The following SNED1 variants were observed in gnomAD, a reference collection of about 807,000 sequenced individuals.
SNED1 encodes the protein sushi, nidogen and EGF like domains 1.
In SNED1, 81 loss-of-function variants were observed where a neutral mutation model predicts 166.7. The observed-to-expected ratio is 0.49, with a 90% confidence interval of 0.41 to 0.58. The LOEUF is 0.58. SNED1 is among the 20% of genes least tolerant of loss of function. The pLI, the probability that SNED1 is intolerant of heterozygous loss-of-function variation, is 0.00. For missense variants in SNED1, 1,604 were observed against 2,000.2 expected, an observed-to-expected ratio of 0.80 and a Z score of 3.78; for synonymous variants, 762 against 822.0, an observed-to-expected ratio of 0.93 and a Z score of 1.25.
intron 8 of SNED1, among the ~76,000 whole-genome samples, chr2:241,047,864 T>G (rs1017559381): frequency 6.6e-6 from 1 of 151,976 alleles, no homozygotes; most frequent in African/African-American, 2.4e-5. Context: ...CCGGGTGGCT[T>G]CTCTGGTGCT....
In SNED1 at chr2:241,052,372, C is replaced by T. The variant is rs1287463560; in HGVS notation, c.1987C>T (p.Arg663Trp). 7 of 1,578,358 alleles carry T rather than the reference C, an allele frequency of 4.4e-6. No homozygotes were observed. The highest frequency in any genetic ancestry group is 1.7e-4 in the Middle Eastern group (1 of 5,868). Reference sequence around the variant, plus strand: ...TCTGGCAGCCCCCTCCCCCTGCTTCCGGAGCCCGTGTGTGAATGGGGGCAC... The same window carrying T: ...TCTGGCAGCCCCCTCCCCCTGCTTCTGGAGCCCGTGTGTGAATGGGGGCAC... The part of the protein sequence containing the change: ...HCEIAPSPCF[R>W]SPCVNGGTCE... Residue 663 changes from arginine (R) to tryptophan (W), a missense_variant, in exon 15 of 32, where the codon CGG becomes TGG. Physicochemically the swap from Arg to Trp is moderately radical, Grantham distance 101. Coordinates refer to ENST00000310397, the MANE Select transcript of SNED1 (RefSeq NM_001080437.3).
intron 8 of SNED1, among the ~76,000 whole-genome samples, 175 bp from the exon 9 acceptor site, chr2:241,048,140 C>T (rs1364582591): frequency 1.3e-5 from 2 of 152,246 alleles, no homozygotes; most frequent in African/African-American, 4.8e-5. Flanking sequence ...AGATGCTGAG[C>T]TCCATGGGGT....
chr2:241,005,870 G>A (rs1419602217), intron 1 of SNED1, among the ~76,000 whole-genome samples: 1 of 151,680 alleles, frequency 6.6e-6, no homozygotes, highest in African/African-American at 2.4e-5. Context: ...GTGTATTGTT[G>A]TAGGGCTTTA....
At chr2:241,080,302 CTTGT>C (rs2125296968) in intron 27 of SNED1, among the ~76,000 whole-genome samples, 1 of 152,072 alleles carries the variant, frequency 6.6e-6, no homozygotes, top group African/African-American at 2.4e-5. Context: ...TAAATAAAAT[CTTGT>C]TTGTCTTTTG....
intron 2 of SNED1, among the ~76,000 whole-genome samples, chr2:241,031,822 A>G (rs565175085): frequency 3.9e-5 from 6 of 152,328 alleles, no homozygotes; most frequent in South Asian, 4.1e-4. Flanking sequence ...TGACTTTTAC[A>G]TAAGTGGAAT....
At chr2:241,033,534 G>A (rs1271222227) in intron 2 of SNED1, 7 of 582,502 alleles carry the variant, frequency 1.2e-5, no homozygotes, top group African/African-American at 9.5e-5. Context: ...GACGGCCTCT[G>A]CTGAGTGGCA....
intron 1 of SNED1, among the ~76,000 whole-genome samples, chr2:241,022,656 C>T (rs1424828694): frequency 6.6e-6 from 1 of 152,160 alleles, no homozygotes; most frequent in African/African-American, 2.4e-5. Context: ...GGAGAACATT[C>T]TCCACTGGGA....
intron 4 of SNED1, 77 bp from the exon 5 acceptor site, chr2:241,036,713 G>A: frequency 6.3e-7 from 1 of 1,575,914 alleles, no homozygotes; most frequent in South Asian, 1.1e-5. Flanking sequence ...GGAGGGAAGG[G>A]AGATGCGGAT....
In SNED1 at chr2:241,064,094, A is replaced by G; in HGVS notation, c.2568A>G (p.Pro856=). 6.4e-7 allele frequency: 1 copy of G among 1,567,808 alleles called. No homozygotes were observed. Among genetic ancestry groups the G allele is most frequent in the Admixed American group, 1.9e-5 (1 of 53,724 alleles). ...SGGGAYLCVC[P]ESFFGYHCET... is the part of the protein sequence containing the mutation. ...GCGGGGCCTACCTGTGCGTCTGCCC[A>G]GAGAGCTTCTTCGGCTACCACTGCG... The change falls in exon 19 of 32, where the codon CCA becomes CCG. Residue 856 remains proline, a synonymous_variant. Coordinates refer to ENST00000310397, the MANE Select transcript of SNED1 (RefSeq NM_001080437.3). The surrounding 1 kb of genome is among the most constrained non-coding windows in gnomAD (Gnocchi z 7.0).
intron 1 of SNED1, among the ~76,000 whole-genome samples, chr2:241,023,972 A>AC (rs1174612599): frequency 1.2e-4 from 15 of 120,104 alleles, no homozygotes; most frequent in Non-Finnish European, 2.1e-4. Context: ...TGCAGCCTCC[A>AC]CCCCCCGGGT....
chr2:241,059,586 A>G (rs2062168435), intron 16 of SNED1, among the ~76,000 whole-genome samples: 1 of 152,238 alleles, frequency 6.6e-6, no homozygotes, highest in South Asian at 2.1e-4. Flanking sequence ...TGATACAGTC[A>G]TGACCAAGTG....
At chr2:241,084,972 TC>T (rs1461241296) in intron 29 of SNED1, among the ~76,000 whole-genome samples, 5 of 152,206 alleles carry the variant, frequency 3.3e-5, no homozygotes, top group African/African-American at 4.8e-5. Flanking sequence ...CTTGCATAGT[TC>T]CAGACAAGAA....
At chr2:241,041,061 G>A (rs991426132) in intron 8 of SNED1, 4 of 342,298 alleles carry the variant, frequency 1.2e-5, no homozygotes, top group Non-Finnish European at 1.8e-5. Context: ...AACTATTCAG[G>A]TTATTTTTAG....
chr2:241,076,658 G>T (rs1017218365), intron 27 of SNED1, among the ~76,000 whole-genome samples: 1 of 152,150 alleles, frequency 6.6e-6, no homozygotes, highest in Admixed American at 6.5e-5. Context: ...GGCCAGGAAG[G>T]AGTTCAAGAC....
At chr2:241,036,053 T>TCACGGGGTGGGGGC (rs1242555313) in intron 4 of SNED1, among the ~76,000 whole-genome samples, 1 of 14,454 alleles carries the variant, frequency 6.9e-5, no homozygotes, top group Admixed American at 8.1e-4. Context: ...GGGGTGGAGG[T>TCACGGGGTGGGGGC]GCGTCACAGG....
At chr2:241,037,153 C>T in intron 5 of SNED1, 87 bp from the exon 6 acceptor site, 1 of 1,225,746 alleles carries the variant, frequency 8.2e-7, no homozygotes, top group Non-Finnish European at 1.2e-6. Flanking sequence ...CTTGCTCCTC[C>T]TCCGTCCCCG....
intron 6 of SNED1, among the ~76,000 whole-genome samples, chr2:241,038,028 C>A (rs1050163569): frequency 6.6e-6 from 1 of 151,972 alleles, no homozygotes; most frequent in African/African-American, 2.4e-5. Flanking sequence ...CTCTTTAGGC[C>A]CCTCACCCAT....
intron 17 of SNED1, chr2:241,063,247 T>C (rs942325030): frequency 8.3e-6 from 4 of 481,346 alleles, no homozygotes; most frequent in Non-Finnish European, 1.5e-5. Context: ...TGCACACTCT[T>C]GTACCTCGCT....
intron 16 of SNED1, among the ~76,000 whole-genome samples, chr2:241,055,488 T>C (rs1242456850): frequency 6.6e-6 from 1 of 152,140 alleles, no homozygotes; most frequent in East Asian, 1.9e-4. Context: ...AGAGATCCAT[T>C]TGGTTAGGGT....
Sources: allele counts gnomAD v4.1 joint callset (sites outside exome capture counted in the v4.1 genomes callset), GRCh38; gene constraint gnomAD v4.1.1; non-coding constraint Gnocchi (gnomAD v3.1); transcripts MANE v1.5; gene names NCBI Gene and HGNC (gene_info 2026-07-23, HGNC 2026-07-21).